ELOVL5: variants seen among roughly 807,000 people sequenced by gnomAD.
ELOVL5 encodes the protein ELOVL fatty acid elongase 5.
A neutral mutation model predicts 38.6 loss-of-function variants in ELOVL5; 8 were observed. That is an observed-to-expected ratio of 0.21 (90% CI 0.12 to 0.37). The LOEUF (loss-of-function observed/expected upper bound fraction) is 0.37, where lower values mean the gene tolerates loss of function less well. Ranked by LOEUF, ELOVL5 falls within the 10% of genes least tolerant of loss-of-function variation. The probability of loss-of-function intolerance (pLI) is 1.00; values close to 1 mark genes in which losing one functional copy is unlikely to be tolerated. For synonymous variants in ELOVL5, 127 were observed against 133.7 expected, an observed-to-expected ratio of 0.95 and a Z score of 0.34; for missense variants, 280 against 367.8, an observed-to-expected ratio of 0.76 and a Z score of 1.95.
At chr6:53,291,395 CAAG>C (rs1480933065) in intron 3 of ELOVL5, among the ~76,000 whole-genome samples, 1 of 152,318 alleles carries the variant, frequency 6.6e-6, no homozygotes, top group South Asian at 2.1e-4. Flanking sequence ...TACCTTCAAA[CAAG>C]AAGCAGGCAC....
intron 1 of ELOVL5, among the ~76,000 whole-genome samples, chr6:53,301,903 C>G (rs1017139829): frequency 2.0e-5 from 3 of 152,124 alleles, no homozygotes; most frequent in Non-Finnish European, 4.4e-5. Flanking sequence ...GCTGACCATT[C>G]TCTTTATAAA....
intron 1 of ELOVL5, among the ~76,000 whole-genome samples, chr6:53,317,245 G>C (rs1487291052): frequency 1.3e-5 from 2 of 152,130 alleles, no homozygotes; most frequent in Admixed American, 1.3e-4. Context: ...TTTCCAAAGT[G>C]ATTTCTCTCA....
intron 5 of ELOVL5, 131 bp downstream of exon 5, chr6:53,274,959 A>T: frequency 1.1e-6 from 1 of 876,408 alleles, no homozygotes. Flanking sequence ...ACTATCATTA[A>T]AAGCAACTTG....
At chr6:53,287,060 T>C (rs758573337) in intron 3 of ELOVL5, among the ~76,000 whole-genome samples, 30 of 152,234 alleles carry the variant, frequency 2.0e-4, no homozygotes, top group African/African-American at 5.3e-4. Context: ...AAAATTACAA[T>C]TTAAAATAAA....
rs768122376 is a variant in ELOVL5, at chr6:53,276,163, GAA to G, written c.324+14_324+15del. ...CAACACTTATAATAATAAAGTTTCT[GAA>G]AAAGAGACAGTACCTTCATATCTGA... On this transcript the variant is annotated intron_variant, in intron 4 of 7. Transcript: ENST00000304434. 2 of 1,577,750 alleles carry G rather than the reference GAA, an allele frequency of 1.3e-6. No individual in the cohort carries two copies. The highest frequency in any genetic ancestry group is 1.7e-6 in the Non-Finnish European group (2 of 1,152,738).
chr6:53,330,968 G>T (rs1465963782), intron 1 of ELOVL5, among the ~76,000 whole-genome samples: 2 of 152,098 alleles, frequency 1.3e-5, no homozygotes, highest in Non-Finnish European at 2.9e-5. Flanking sequence ...TTTTCTTCAG[G>T]AATACCTCCT....
intron 1 of ELOVL5, among the ~76,000 whole-genome samples, chr6:53,346,765 C>T (rs1463893192): frequency 1.3e-5 from 2 of 152,116 alleles, no homozygotes; most frequent in Admixed American, 1.3e-4. Flanking sequence ...AAATAAGACA[C>T]CCAAGGATGG....
chr6:53,310,917 C>T (rs1310366232), intron 1 of ELOVL5, among the ~76,000 whole-genome samples: 4 of 152,094 alleles, frequency 2.6e-5, no homozygotes, highest in Non-Finnish European at 5.9e-5. Flanking sequence ...TAAATAATTG[C>T]TATTCATATG....
At chr6:53,315,829 T>G (rs528345015) in intron 1 of ELOVL5, among the ~76,000 whole-genome samples, 1 of 152,232 alleles carries the variant, frequency 6.6e-6, no homozygotes, top group African/African-American at 2.4e-5. Flanking sequence ...TAAAATACTT[T>G]ACTTAACTCA....
At chr6:53,294,109 TAC>T in intron 2 of ELOVL5, 2 of 1,394,226 alleles carry the variant, frequency 1.4e-6, no homozygotes, top group Non-Finnish European at 1.9e-6. Context: ...ACCTCTGATT[TAC>T]ACTTTGCTTT....
chr6:53,305,967 C>T (rs1244124659), intron 1 of ELOVL5, among the ~76,000 whole-genome samples: 3 of 151,422 alleles, frequency 2.0e-5, no homozygotes, highest in Non-Finnish European at 4.4e-5. Context: ...CTCGGGATGC[C>T]GAGGCTGGCG....
chr6:53,339,984 G>A (rs752043380), intron 1 of ELOVL5, among the ~76,000 whole-genome samples: 24 of 152,152 alleles, frequency 1.6e-4, no homozygotes, highest in Non-Finnish European at 3.4e-4. Flanking sequence ...TGACATTGAT[G>A]ATCCTGCCCC....
intron 1 of ELOVL5, among the ~76,000 whole-genome samples, chr6:53,298,047 G>C (rs1315186102): frequency 6.6e-6 from 1 of 152,200 alleles, no homozygotes; most frequent in Non-Finnish European, 1.5e-5. Flanking sequence ...CAATTTGGCT[G>C]TGTCTATTTT....
At chr6:53,318,870 A>G (rs1468776115) in intron 1 of ELOVL5, among the ~76,000 whole-genome samples, 1 of 152,228 alleles carries the variant, frequency 6.6e-6, no homozygotes, top group African/African-American at 2.4e-5. Context: ...CTAAAATATT[A>G]TCATTTCAAC....
chr6:53,294,577 C>G, intron 2 of ELOVL5: 1 of 1,410,682 alleles, frequency 7.1e-7, no homozygotes, highest in South Asian at 1.6e-5. Flanking sequence ...AATTGCTCCA[C>G]CTGGTAATGC....
In ELOVL5 at chr6:53,348,877, G is replaced by T. The variant is rs572700117; in HGVS notation, c.-69C>A. ...CAGCAAGGCGGCGGCGGCGGAGGGA[G>T]CGCGGGTGGCAGCCGGCGCAGAGGC... On this transcript the variant is annotated 5_prime_UTR_variant, in exon 1 of 8. Transcript: ENST00000304434. 1 of 456,128 alleles carries T rather than the reference G, an allele frequency of 2.2e-6. No individual in the cohort carries two copies. Among genetic ancestry groups the T allele is most frequent in the South Asian group, 1.5e-5 (1 of 65,046 alleles). The allele number at this position is 456,128 out of a possible 1,614,324, so 28.3% of individuals were successfully genotyped here. A position where few individuals can be genotyped will look rare whatever the true frequency, so the allele number is the denominator to read the frequency against.
intron 3 of ELOVL5, among the ~76,000 whole-genome samples, chr6:53,288,147 T>A (rs1766643067): frequency 6.6e-6 from 1 of 152,122 alleles, no homozygotes; most frequent in Admixed American, 6.5e-5. Context: ...TCCAACCAGG[T>A]AGATAAGGCA....
intron 1 of ELOVL5, among the ~76,000 whole-genome samples, chr6:53,332,505 A>G (rs529698391): frequency 6.6e-6 from 1 of 152,350 alleles, no homozygotes; most frequent in Admixed American, 6.5e-5. Context: ...GTATTCAATT[A>G]TCAACCACTA....
At chr6:53,301,666 C>A (rs1239180783) in intron 1 of ELOVL5, among the ~76,000 whole-genome samples, 1 of 152,224 alleles carries the variant, frequency 6.6e-6, no homozygotes, top group Non-Finnish European at 1.5e-5. Flanking sequence ...AAGCTATTCA[C>A]TAGTTCAAGA....
Sources: allele counts gnomAD v4.1 joint callset (sites outside exome capture counted in the v4.1 genomes callset), GRCh38; gene constraint gnomAD v4.1.1; transcripts MANE v1.5; gene names NCBI Gene and HGNC (gene_info 2026-07-23, HGNC 2026-07-21).